Variants in MMEL1 observed in about 807,000 individuals in gnomAD.
MMEL1 encodes membrane metallo-endopeptidase-like 1.
Under a neutral mutation model 117.1 loss-of-function variants are expected in MMEL1, and 98 were observed. The observed-to-expected ratio is 0.84, with a 90% CI of 0.71 to 0.99. The LOEUF (loss-of-function observed/expected upper bound fraction) is 0.99. MMEL1 is among the 50% of genes least tolerant of loss of function. The pLI is 0.00. For missense variants in MMEL1, 1,014 were observed against 1,049.1 expected, an observed-to-expected ratio of 0.97 and a Z score of 0.46; for synonymous variants, 390 against 415.1, an observed-to-expected ratio of 0.94 and a Z score of 0.74.
At chr1:2,591,866 A>C in intron 22 of MMEL1, 66 bp downstream of exon 22, 1 of 1,490,264 alleles carries the variant, frequency 6.7e-7, no homozygotes, top group Non-Finnish European at 9.3e-7. Context: ...GAGGTGCCCC[A>C]GAGTGGGCCC....
Position 2,604,161 on chromosome 1 carries a change from T to A in MMEL1, c.937A>T (p.Thr313Ser), listed in dbSNP as rs1158544109. 1 of 1,583,596 alleles carries A rather than the reference T, an allele frequency of 6.3e-7. No individual in the cohort carries two copies. Among genetic ancestry groups the A allele is most frequent in the Non-Finnish European group, 8.6e-7 (1 of 1,159,638 alleles). ...EDMVQVLELETQLAKATVPQE... is the reference protein window; with the variant it reads ...EDMVQVLELESQLAKATVPQE... ...GGCCCCCTTACCTTGGCCAGCTGTG[T>A]CTCCAGCTCCAGCACCTGCACCATG... The change falls in exon 10 of 24, where the codon ACA becomes TCA. Residue 313 changes from threonine (T) to serine (S), a missense_variant. By Grantham distance (58) the Thr-to-Ser change is moderately conservative. Transcript: ENST00000378412.
intron 2 of MMEL1, among the ~76,000 whole-genome samples, chr1:2,617,100 T>C (rs1012769673): frequency 6.6e-6 from 1 of 152,166 alleles, no homozygotes; most frequent in African/African-American, 2.4e-5. Flanking sequence ...CTGGCCAACA[T>C]GGCAAAACCC....
At chr1:2,632,358 T>C (rs1638632327) in intron 1 of MMEL1, among the ~76,000 whole-genome samples, 1 of 152,214 alleles carries the variant, frequency 6.6e-6, no homozygotes. Context: ...ACCTCGGTCA[T>C]TATCTGTTGG....
At chr1:2,594,226 T>C (rs3748817) in intron 18 of MMEL1, among the ~76,000 whole-genome samples, 159 bp downstream of exon 18, 69,438 of 151,626 alleles carry the variant, frequency 0.46, 17,463 homozygotes, top group African/African-American at 0.67. Flanking sequence ...GGCACGGGAG[T>C]GAGTGTTCCC....
intron 11 of MMEL1, among the ~76,000 whole-genome samples, chr1:2,603,102 C>T (rs1195201101): frequency 6.6e-6 from 1 of 152,338 alleles, no homozygotes; most frequent in East Asian, 1.9e-4. Flanking sequence ...GACCACCAGC[C>T]TTCCAAGGCA....
rs1222539962 is a variant in MMEL1, at chr1:2,603,888, A to G, written c.1037T>C (p.Leu346Pro). The G allele has an allele frequency of 3.7e-6, 6 of 1,613,418 alleles. No individual in the cohort carries two copies. Among genetic ancestry groups the G allele is most frequent in the African/African-American group, 1.3e-5 (1 of 74,882 alleles). Reference protein sequence around the residue: ...GLEELQSQFGLKGFNWTLFIQ... With the variant: ...GLEELQSQFGPKGFNWTLFIQ... Reference sequence around the variant, plus strand: ...TCCTGTGTGGTGTGGCCTCACCTTCAGGCCAAACTGGCTTTGCAGCTCCTC... The same window carrying G: ...TCCTGTGTGGTGTGGCCTCACCTTCGGGCCAAACTGGCTTTGCAGCTCCTC... Residue 346 changes from leucine (L) to proline (P), a missense_variant, in exon 11 of 24, where the codon CTG (leucine) becomes CCG (proline). Physicochemically the swap from Leu to Pro is moderately conservative, Grantham distance 98 (BLOSUM62 -3). Coordinates refer to ENST00000378412, the MANE Select transcript of MMEL1 (RefSeq NM_033467.4).
intron 2 of MMEL1, among the ~76,000 whole-genome samples, chr1:2,624,927 G>T (rs1382738703): frequency 6.6e-6 from 1 of 152,148 alleles, no homozygotes; most frequent in African/African-American, 2.4e-5. Flanking sequence ...TGGTGGAGCA[G>T]GGGAGAGAGA....
chr1:2,621,435 A>T (rs1645287392), intron 2 of MMEL1, among the ~76,000 whole-genome samples: 1 of 152,184 alleles, frequency 6.6e-6, no homozygotes, highest in Non-Finnish European at 1.5e-5. Context: ...ATTTTAACCC[A>T]GACATTCCCT....
At position 2,632,849 on chromosome 1, in the gene MMEL1, C is replaced by G; in HGVS notation, c.-38+17G>C. The G allele has an allele frequency of 1.0e-6, 1 of 985,588 alleles. No individual in the cohort carries two copies. The highest frequency in any genetic ancestry group is 1.2e-6 in the Non-Finnish European group (1 of 829,972). The allele number at this position is 985,588 out of a possible 1,614,324, so 61.1% of individuals were successfully genotyped here. On this transcript the variant is annotated intron_variant, in intron 1 of 23. Transcript: ENST00000378412. ...CCCAGGAAAGCAGGCCGGGTACCTT[C>G]CTTCAGCACAACTCACCTTTGCTCA...
Position 2,611,311 on chromosome 1 carries a change from C to T in MMEL1, c.262G>A (p.Val88Ile). ...ATCACGCAGCCAGGGGTGGTGCAGACCTCGCTCACCTCTTGGGCCTCTGGG... is the reference window on the plus strand; with the variant it reads ...ATCACGCAGCCAGGGGTGGTGCAGATCTCGCTCACCTCTTGGGCCTCTGGG... ...GIPEAQEVSE[V>I]CTTPGCVIAA... The change falls in exon 4 of 24, where the codon GTC becomes ATC. Residue 88 changes from valine (V) to isoleucine (I), a missense_variant. Transcript: ENST00000378412. The T allele has an allele frequency of 6.4e-7, 1 of 1,565,820 alleles. No individual in the cohort carries two copies. Among genetic ancestry groups the T allele is most frequent in the Non-Finnish European group, 8.6e-7 (1 of 1,158,260 alleles).
At chr1:2,616,160 C>A (rs1234531308) in intron 2 of MMEL1, among the ~76,000 whole-genome samples, 1 of 151,832 alleles carries the variant, frequency 6.6e-6, no homozygotes, top group Non-Finnish European at 1.5e-5. Context: ...CATGGAGAAA[C>A]CTTACCTCTA....
chr1:2,625,275 G>A (rs757890251), intron 2 of MMEL1, among the ~76,000 whole-genome samples: 50 of 152,262 alleles, frequency 3.3e-4, no homozygotes, highest in Non-Finnish European at 5.9e-4. Context: ...AAGGTGTCTC[G>A]GGCCTAGTGG....
chr1:2,616,156 G>A (rs1372976684), intron 2 of MMEL1, among the ~76,000 whole-genome samples: 1 of 152,056 alleles, frequency 6.6e-6, no homozygotes, highest in Non-Finnish European at 1.5e-5. Flanking sequence ...GCAACATGGA[G>A]AAACCTTACC....
At chr1:2,591,128 C>T in intron 23 of MMEL1, 39 bp from the exon 24 acceptor site, 1 of 1,418,302 alleles carries the variant, frequency 7.1e-7, no homozygotes, top group Non-Finnish European at 9.5e-7. Context: ...GCATTGCCAT[C>T]TTGGACAAAC....
intron 2 of MMEL1, among the ~76,000 whole-genome samples, chr1:2,618,406 A>G (rs140501628): frequency 6.6e-6 from 1 of 152,322 alleles, no homozygotes; most frequent in African/African-American, 2.4e-5. Context: ...TCTTTTCTCT[A>G]TAAATTACTC....
In MMEL1 at chr1:2,606,829, G is replaced by A. The variant is rs931374674; in HGVS notation, c.631+145C>T. The A allele has an allele frequency of 2.2e-5, 16 of 712,798 alleles. No individual in the cohort carries two copies. The Admixed American group carries it at 2.4e-4, about 11-fold the overall frequency. The allele number at this position is 712,798 out of a possible 1,614,324, so 44.2% of individuals were successfully genotyped here. ...CCTCCCAGGACCCTGAGGTTGCCCC[G>A]GCTGGGTTGGGCCTCTTGGGGCTCC... On this transcript the variant is annotated intron_variant, in intron 7 of 23. Transcript: ENST00000378412.
chr1:2,592,076 C>T, intron 21 of MMEL1, 49 bp from the exon 22 acceptor site: 1 of 1,475,366 alleles, frequency 6.8e-7, no homozygotes, highest in East Asian at 2.3e-5. Flanking sequence ...GCCTGGACTC[C>T]AGAACCCTCA....
intron 11 of MMEL1, among the ~76,000 whole-genome samples, chr1:2,602,789 G>A (rs1274652199): frequency 6.6e-6 from 1 of 152,310 alleles, no homozygotes; most frequent in South Asian, 2.1e-4. Flanking sequence ...GAACTGCTGT[G>A]TGAGCCACAC....
rs192982920 is a variant in MMEL1, at chr1:2,599,369, T to C, written c.1042-579A>G. ...CAAATAGAACCTAGCCATACTTGTA[T>C]AAAATGCTAATATATCACAGCTGAA... On this transcript the variant is annotated intron_variant, in intron 11 of 23. Coordinates refer to ENST00000378412, the MANE Select transcript of MMEL1 (RefSeq NM_033467.4). Among the ~76,000 whole-genome samples, 250 of 152,358 alleles carry C rather than the reference T, an allele frequency of 1.6e-3. 1 individual carries two copies. The highest frequency in any genetic ancestry group is 5.7e-3 in the African/African-American group (238 of 41,590).
Sources: gnomAD v4.1 joint callset for allele counts (sites outside exome capture counted in the v4.1 genomes callset) on GRCh38, gnomAD v4.1.1 for gene constraint, MANE v1.5 for transcripts, NCBI Gene and HGNC (gene_info 2026-07-23, HGNC 2026-07-21) for gene names.